Variants in RMND5A observed in about 807,000 individuals in gnomAD.
RMND5A encodes required for meiotic nuclear division 5 homolog A.
RMND5A carries 17 observed loss-of-function variants against 49.7 expected under a neutral mutation model. That is an observed-to-expected ratio of 0.34 (90% CI 0.23 to 0.51). RMND5A has a LOEUF of 0.51. Among genes scored for constraint, RMND5A ranks in the 20% least tolerant of loss-of-function variants. The pLI is 0.96. For missense variants in RMND5A, 255 were observed against 471.3 expected (o/e 0.54, Z 4.25); for synonymous variants, 156 against 167.7 (o/e 0.93, Z 0.54).
At chr2:86,767,872 T>C (rs747368332) in intron 6 of RMND5A, among the ~76,000 whole-genome samples, 43 of 152,234 alleles carry the variant, frequency 2.8e-4, no homozygotes, top group Non-Finnish European at 5.3e-4. Flanking sequence ...ACTACACATA[T>C]GTGTGAAACA....
chr2:86,757,825 T>C (rs572617892), intron 4 of RMND5A, among the ~76,000 whole-genome samples: 7 of 152,228 alleles, frequency 4.6e-5, no homozygotes, highest in African/African-American at 1.7e-4. Flanking sequence ...TTAAAAACGA[T>C]AAAAACCTGA....
chr2:86,745,713 G>A (rs1681525244), intron 2 of RMND5A, among the ~76,000 whole-genome samples: 1 of 152,186 alleles, frequency 6.6e-6, no homozygotes, highest in African/African-American at 2.4e-5. Flanking sequence ...CATATTGAGT[G>A]TTGACCATGT....
intron 6 of RMND5A, among the ~76,000 whole-genome samples, chr2:86,766,308 A>G (rs1045802499): frequency 1.3e-5 from 2 of 152,220 alleles, no homozygotes; most frequent in Non-Finnish European, 2.9e-5. Context: ...CTAGAGCCTT[A>G]GCACAAGTTG....
chr2:86,771,480 G>T, intron 7 of RMND5A, 78 bp from the exon 8 acceptor site: 1 of 1,273,704 alleles, frequency 7.9e-7, no homozygotes, highest in Non-Finnish European at 1.1e-6. Context: ...GTTCTTTGCT[G>T]CACAGTGTAT....
At position 86,774,163 on chromosome 2, in the gene RMND5A, TG is replaced by T. The variant is rs1432832036; in HGVS notation, c.*753del. On this transcript the variant is annotated 3_prime_UTR_variant, in exon 9 of 9. Transcript: ENST00000283632. ...TTTGCTTTTATTGCCAAGAGGTGCT[TG>T]TTTTAAAAGTATGTTTAATAAAATG... 3.9e-5 allele frequency: 6 copies of T among 152,684 alleles called. No homozygotes were observed. Among genetic ancestry groups the T allele is most frequent in the African/African-American group, 1.4e-4 (6 of 41,474 alleles). 9.5% of individuals were successfully genotyped at this position (152,684 alleles called of 1,614,324 possible).
chr2:86,757,174 C>CAAAAAAAAAAA (rs60710494), intron 4 of RMND5A, among the ~76,000 whole-genome samples: 39 of 97,952 alleles, frequency 4.0e-4, no homozygotes, highest in African/African-American at 5.7e-4. Flanking sequence ...AACTCAGTCT[C>CAAAAAAAAAAA]AAAAAAAAAA....
At chr2:86,754,394 T>C (rs1681693298) in intron 4 of RMND5A, among the ~76,000 whole-genome samples, 1 of 152,228 alleles carries the variant, frequency 6.6e-6, no homozygotes, top group Non-Finnish European at 1.5e-5. Context: ...AGTGATTTGT[T>C]GTGAGCTTAT....
chr2:86,753,433 G>A, intron 3 of RMND5A, 25 bp from the exon 4 acceptor site: 2 of 1,421,774 alleles, frequency 1.4e-6, no homozygotes, highest in Non-Finnish European at 2.0e-6. Flanking sequence ...GCTAACAAAA[G>A]TTCTTTCTTT....
chr2:86,770,146 G>A, intron 7 of RMND5A, 21 bp downstream of exon 7: 6 of 1,508,586 alleles, frequency 4.0e-6, no homozygotes, highest in Non-Finnish European at 5.5e-6. Flanking sequence ...TTTTCTATTG[G>A]CTATTTACTT....
intron 2 of RMND5A, chr2:86,748,226 G>A (rs1328759932): frequency 6.6e-6 from 1 of 152,176 alleles, no homozygotes; most frequent in African/African-American, 2.4e-5. Context: ...GTAAGAACCT[G>A]CAGTTATAAC....
chr2:86,745,604 T>G (rs1326816498), intron 2 of RMND5A, among the ~76,000 whole-genome samples: 5 of 152,198 alleles, frequency 3.3e-5, no homozygotes, highest in African/African-American at 1.2e-4. Flanking sequence ...GGTGTGGATT[T>G]GATCAGATGA....
chr2:86,724,958 A>G (rs1298124913), intron 1 of RMND5A, among the ~76,000 whole-genome samples: 1 of 9,480 alleles, frequency 1.1e-4, no homozygotes, highest in Non-Finnish European at 2.4e-4. Context: ...AAAAACAGAA[A>G]AGAACTATTT....
intron 4 of RMND5A, among the ~76,000 whole-genome samples, chr2:86,759,989 T>TATAAAGTAAA (rs1672414290): frequency 6.6e-6 from 1 of 152,194 alleles, no homozygotes; most frequent in East Asian, 1.9e-4. Flanking sequence ...GGAACTTCTT[T>TATAAAGTAAA]GTCTTTATAA....
intron 7 of RMND5A, among the ~76,000 whole-genome samples, chr2:86,771,127 T>C (rs1004237797): frequency 6.6e-6 from 1 of 151,766 alleles, no homozygotes; most frequent in South Asian, 2.1e-4. Flanking sequence ...GCACTCCTGC[T>C]CTACTGCCGC....
chr2:86,761,001 T>A (rs1413504669), intron 4 of RMND5A, among the ~76,000 whole-genome samples: 1 of 151,004 alleles, frequency 6.6e-6, no homozygotes, highest in Non-Finnish European at 1.5e-5. Context: ...TGTGTGTGTG[T>A]GTGAATCAGT....
Position 86,772,428 on chromosome 2 carries a change from C to T in RMND5A, c.1112+716C>T, listed in dbSNP as rs145401489. Among the ~76,000 whole-genome samples, 289 of 152,210 alleles carry T rather than the reference C, an allele frequency of 1.9e-3. 2 individuals are homozygous for T. Among genetic ancestry groups the T allele is most frequent in the African/African-American group, 6.7e-3 (280 of 41,522 alleles). On this transcript the variant is annotated intron_variant, in intron 8 of 8. Transcript: ENST00000283632. ...CGAGATTGTGCCACTGCACTCCAGCCTGGGCGACAGAGCAAGACTCCATCT... is the reference window on the plus strand; with the variant it reads ...CGAGATTGTGCCACTGCACTCCAGCTTGGGCGACAGAGCAAGACTCCATCT...
At chr2:86,754,401 TTA>T (rs1681693375) in intron 4 of RMND5A, among the ~76,000 whole-genome samples, 1 of 152,220 alleles carries the variant, frequency 6.6e-6, no homozygotes, top group Non-Finnish European at 1.5e-5. Flanking sequence ...TGTTGTGAGC[TTA>T]TAGCTTTGGA....
rs1290728483 is a variant in RMND5A, at chr2:86,767,352, C to T, written c.854+1328C>T. 3.9e-5 allele frequency among the ~76,000 whole-genome samples: 6 copies of T among 152,144 alleles called. No homozygotes were observed. In the South Asian group the frequency reaches 6.2e-4, roughly 16 times the overall value. On this transcript the variant is annotated intron_variant, in intron 6 of 8. Coordinates refer to ENST00000283632, the MANE Select transcript of RMND5A (RefSeq NM_022780.4). ...TGCTGGGTTTATAGGCGTGAGCCACCGCACCAGCCTTGGAATAGTTTTTAC... is the reference window on the plus strand; with the variant it reads ...TGCTGGGTTTATAGGCGTGAGCCACTGCACCAGCCTTGGAATAGTTTTTAC...
At position 86,777,460 on chromosome 2, in the gene RMND5A, A is replaced by G. The variant is rs928547207; in HGVS notation, c.*4049A>G. On this transcript the variant is annotated 3_prime_UTR_variant, in exon 9 of 9. Coordinates refer to ENST00000283632, the MANE Select transcript of RMND5A (RefSeq NM_022780.4). ...TTCACCATTGCCCCCACCTGCACCT[A>G]GCAAGGAACAGGTGTTTGATGTATT... The G allele has an allele frequency of 2.0e-5, 3 of 152,192 alleles. No homozygotes were observed. The highest frequency in any genetic ancestry group is 7.2e-5 in the African/African-American group (3 of 41,444). The allele number at this position is 152,192 out of a possible 1,614,324, so 9.4% of individuals were successfully genotyped here.
Sources: allele counts gnomAD v4.1 joint callset (sites outside exome capture counted in the v4.1 genomes callset), GRCh38; gene constraint gnomAD v4.1.1; transcripts MANE v1.5; gene names NCBI Gene and HGNC (gene_info 2026-07-23, HGNC 2026-07-21).